Variants in PALLD observed in about 807,000 individuals in gnomAD.
PALLD encodes palladin.
A neutral mutation model predicts 123.5 loss-of-function variants in PALLD; 61 were observed. The observed-to-expected ratio is 0.49, with a 90% CI of 0.40 to 0.61. PALLD has a LOEUF of 0.61. Among genes scored for constraint, PALLD ranks in the 20% least tolerant of loss-of-function variants. The pLI is 0.00. For synonymous variants in PALLD, 465 were observed against 496.4 expected, an observed-to-expected ratio of 0.94 and a Z score of 0.84; for missense variants, 1,273 against 1,377.0, an observed-to-expected ratio of 0.92 and a Z score of 1.20.
At position 168,675,109 on chromosome 4, in the gene PALLD, CT is replaced by C. The variant is rs535995213; in HGVS notation, c.1088-6222del. On this transcript the variant is annotated intron_variant, in intron 3 of 21. Coordinates refer to ENST00000505667, the MANE Select transcript of PALLD (RefSeq NM_001166108.2). ...CTCAAGTTCCCACCACTGCCTCCCCCTGTGATTGTAAAATGAATTACACAGA... is the reference window on the plus strand; with the variant it reads ...CTCAAGTTCCCACCACTGCCTCCCCCGTGATTGTAAAATGAATTACACAGA... 3.3e-5 allele frequency among the ~76,000 whole-genome samples: 5 copies of C among 152,334 alleles called. No individual in the cohort carries two copies. The South Asian group carries it at 8.3e-4, about 25-fold the overall frequency.
intron 10 of PALLD, among the ~76,000 whole-genome samples, chr4:168,765,976 C>A (rs1475762273): frequency 1.3e-5 from 2 of 152,184 alleles, no homozygotes; most frequent in African/African-American, 4.8e-5. Context: ...ATTCTGTGAC[C>A]ATGTCCAGGT....
intron 2 of PALLD, among the ~76,000 whole-genome samples, chr4:168,602,468 T>C (rs1772763232): frequency 6.6e-6 from 1 of 152,154 alleles, no homozygotes; most frequent in African/African-American, 2.4e-5. Context: ...AAAGACTCCA[T>C]ACGTGAACTC....
chr4:168,668,292 C>A lies in PALLD; in HGVS notation c.1011C>A (p.Asp337Glu), dbSNP rs763283965. The change falls in exon 3 of 22, where the codon GAC becomes GAA. Residue 337 changes from aspartate to glutamate, a missense_variant. By Grantham distance (45) the Asp-to-Glu change is conservative (BLOSUM62 2). Around this residue, in one of 2 missense-constraint regions of PALLD, gnomAD observed 944 missense variants for 954.5 expected, o/e 0.99. Transcript: ENST00000505667. ...HTLIIAEAFEDDTGRYTCLAT... is the reference protein window; with the variant it reads ...HTLIIAEAFEEDTGRYTCLAT... ...TGATCATAGCAGAGGCCTTTGAGGA[C>A]GACACAGGTCGCTACACCTGTTTGG... 19 of 1,614,076 alleles carry A rather than the reference C, an allele frequency of 1.2e-5. No homozygotes were observed. The East Asian group carries it at 4.0e-4, about 34-fold the overall frequency.
At chr4:168,548,448 C>G (rs1292246300) in intron 2 of PALLD, among the ~76,000 whole-genome samples, 1 of 151,804 alleles carries the variant, frequency 6.6e-6, no homozygotes, top group East Asian at 1.9e-4. Flanking sequence ...AGAAAAGAAG[C>G]AATGATTTGA....
intron 10 of PALLD, among the ~76,000 whole-genome samples, chr4:168,784,899 T>C (rs796952610): frequency 5.3e-5 from 8 of 152,104 alleles, no homozygotes; most frequent in African/African-American, 1.9e-4. Flanking sequence ...GGTCATGGGA[T>C]ACCTGTGGGG....
intron 2 of PALLD, among the ~76,000 whole-genome samples, chr4:168,546,739 G>A (rs1399418721): frequency 6.6e-6 from 1 of 152,128 alleles, no homozygotes; most frequent in Admixed American, 6.5e-5. Context: ...TAAAATGTGA[G>A]GGCTAAAACT....
At chr4:168,877,795 G>A in intron 10 of PALLD, 8 of 1,227,816 alleles carry the variant, frequency 6.5e-6, no homozygotes, top group South Asian at 3.3e-5. Flanking sequence ...GGCAGCCTCC[G>A]CCAGCCCCGC....
At chr4:168,879,756 A>G (rs1351486833) in intron 10 of PALLD, among the ~76,000 whole-genome samples, 1 of 152,346 alleles carries the variant, frequency 6.6e-6, no homozygotes, top group Admixed American at 6.5e-5. Flanking sequence ...ATATATAAAG[A>G]AACAAGTCCA....
chr4:168,755,624 T>G (rs1731748307), intron 10 of PALLD, among the ~76,000 whole-genome samples: 2 of 152,150 alleles, frequency 1.3e-5, no homozygotes, highest in African/African-American at 4.8e-5. Context: ...AGCAAGGAAG[T>G]TATGTGATCT....
At chr4:168,609,583 T>C (rs564721227) in intron 2 of PALLD, among the ~76,000 whole-genome samples, 1 of 152,194 alleles carries the variant, frequency 6.6e-6, no homozygotes, top group Admixed American at 6.5e-5. Context: ...GATGCCTTCA[T>C]GCGGGGGTAT....
intron 10 of PALLD, among the ~76,000 whole-genome samples, chr4:168,783,892 A>G (rs1239816871): frequency 1.3e-5 from 2 of 152,162 alleles, no homozygotes; most frequent in Non-Finnish European, 2.9e-5. Context: ...ACTCCCAACT[A>G]GGCTTTCATA....
At chr4:168,847,683 C>A (rs1747072369) in intron 10 of PALLD, among the ~76,000 whole-genome samples, 2 of 152,086 alleles carry the variant, frequency 1.3e-5, no homozygotes, top group East Asian at 3.9e-4. Flanking sequence ...AATATTTTAT[C>A]TTTAATTTTT....
intron 2 of PALLD, among the ~76,000 whole-genome samples, chr4:168,524,136 A>C (rs1054607301): frequency 6.6e-6 from 1 of 152,208 alleles, no homozygotes; most frequent in Admixed American, 6.5e-5. Context: ...TTTACAGAAA[A>C]GGACATACTT....
chr4:168,911,271 C>G (rs1758885820), intron 15 of PALLD, among the ~76,000 whole-genome samples: 1 of 152,148 alleles, frequency 6.6e-6, no homozygotes, highest in Admixed American at 6.5e-5. Context: ...CAACCCATAC[C>G]TCCTTTTCCA....
chr4:168,585,266 G>A (rs1770694848), intron 2 of PALLD, among the ~76,000 whole-genome samples: 1 of 150,312 alleles, frequency 6.7e-6, no homozygotes, highest in African/African-American at 2.5e-5. Context: ...CTTATGAGTA[G>A]TGTGTGTGTG....
At chr4:168,645,448 G>A (rs1217570290) in intron 2 of PALLD, among the ~76,000 whole-genome samples, 5 of 152,090 alleles carry the variant, frequency 3.3e-5, no homozygotes, top group South Asian at 2.1e-4. Flanking sequence ...GTCACTTATC[G>A]GGCGGCAATA....
At position 168,665,401 on chromosome 4, in the gene PALLD, C is replaced by G. The variant is rs183359186; in HGVS notation, c.909-2789C>G. ...CTTTTAATTTTCAGTGTCTCTGCTG[C>G]TTTGGCATGCGAGGGACCAGAGGTA... On this transcript the variant is annotated intron_variant, in intron 2 of 21. Transcript: ENST00000505667. Among the ~76,000 whole-genome samples the G allele has an allele frequency of 1.7e-4, 26 of 152,264 alleles. No homozygotes were observed. In the East Asian group the frequency reaches 4.6e-3, roughly 27 times the overall value.
intron 10 of PALLD, among the ~76,000 whole-genome samples, chr4:168,835,045 C>T (rs1270993799): frequency 6.6e-6 from 1 of 152,208 alleles, no homozygotes; most frequent in African/African-American, 2.4e-5. Context: ...TTAGCGTGTT[C>T]CAACAGTTCT....
At chr4:168,899,576 C>T (rs1756008229) in intron 14 of PALLD, among the ~76,000 whole-genome samples, 1 of 151,948 alleles carries the variant, frequency 6.6e-6, no homozygotes. Flanking sequence ...TGTGTTAGGC[C>T]GTTTTTGCAT....
Sources: gnomAD v4.1 joint callset for allele counts (sites outside exome capture counted in the v4.1 genomes callset) on GRCh38, gnomAD v4.1.1 for gene constraint, gnomAD v4.1.1 regional missense constraint, MANE v1.5 for transcripts, NCBI Gene and HGNC (gene_info 2026-07-23, HGNC 2026-07-21) for gene names.